Variants in EML5 observed in about 807,000 individuals in gnomAD.
The protein encoded by EML5 is echinoderm microtubule-associated protein-like 5.
In EML5, 120 loss-of-function variants were observed where a neutral mutation model predicts 250.0. The observed-to-expected ratio is 0.48, with a 90% CI of 0.41 to 0.56. The LOEUF is 0.56. Ranked by LOEUF, EML5 falls within the 20% of genes least tolerant of loss-of-function variation. The pLI is 0.00. For missense variants in EML5, 2,006 were observed against 2,437.6 expected (o/e 0.82, Z 3.73); for synonymous variants, 771 against 806.5 (o/e 0.96, Z 0.75).
chr14:88,645,885 G>A (rs1162390531), intron 29 of EML5, among the ~76,000 whole-genome samples: 1 of 152,040 alleles, frequency 6.6e-6, no homozygotes, highest in East Asian at 1.9e-4. Flanking sequence ...TATTTATAAT[G>A]TGCCGTGTCC....
intron 1 of EML5, among the ~76,000 whole-genome samples, chr14:88,783,123 C>T (rs7146379): frequency 0.11 from 16,836 of 152,122 alleles, 1,033 homozygotes; most frequent in African/African-American, 0.14. Context: ...AAAGAAAATG[C>T]CTGGACGTCC....
chr14:88,732,913 C>T (rs2093783090), intron 7 of EML5, among the ~76,000 whole-genome samples: 2 of 152,180 alleles, frequency 1.3e-5, no homozygotes, highest in Middle Eastern at 3.4e-3. Context: ...CAGGTTCTAG[C>T]GATATTATTA....
At chr14:88,644,388 A>T (rs746951504) in intron 30 of EML5, 45 bp downstream of exon 30, 1 of 1,574,940 alleles carries the variant, frequency 6.3e-7, no homozygotes, top group Non-Finnish European at 8.7e-7. Context: ...ATAAAAAAGA[A>T]CTCTGGATAC....
chr14:88,762,885 A>G (rs1056729255), intron 1 of EML5, among the ~76,000 whole-genome samples: 1 of 152,218 alleles, frequency 6.6e-6, no homozygotes, highest in African/African-American at 2.4e-5. Context: ...ACTACACGGA[A>G]ACTGAACAAC....
In EML5 at chr14:88,685,039, A is replaced by G. The variant is rs759087657; in HGVS notation, c.2958T>C (p.Ser986=). The change falls in exon 20 of 44, where the codon AGT becomes AGC. Residue 986 remains serine, a synonymous_variant. Transcript: ENST00000554922. The part of the protein sequence containing the change: ...KNGEILEVDK[S]GPITLLVQGH... ...CCTGAACCAGAAGTGTTATTGGGCC[A>G]CTTTTATCCACTTCTAGTATTTCAC... is the stretch of plus-strand genomic sequence containing the variant. The G allele has an allele frequency of 2.1e-5, 33 of 1,606,416 alleles. No individual in the cohort carries two copies. The highest frequency in any genetic ancestry group is 2.4e-5 in the Non-Finnish European group (28 of 1,176,594).
At position 88,627,005 on chromosome 14, in the gene EML5, A is replaced by G; in HGVS notation, c.4573T>C (p.Phe1525Leu). ...ASRAGHNQRI[F>L]VAEFRPDSDT... Reference sequence around the variant, plus strand: ...GAATCTGGTCGGAATTCTGCCACAAAAATACGTTGATTGTGACCAGCTCTG... The same window carrying G: ...GAATCTGGTCGGAATTCTGCCACAAGAATACGTTGATTGTGACCAGCTCTG... The change falls in exon 35 of 44, where the codon TTT becomes CTT. Residue 1525 changes from phenylalanine (F) to leucine (L), a missense_variant. Physicochemically the swap from Phe to Leu is conservative, Grantham distance 22. This residue lies in a region of EML5 where 405 missense variants were observed against 523.3 expected (regional missense o/e 0.77). Coordinates refer to ENST00000554922, the MANE Select transcript of EML5 (RefSeq NM_183387.3). 1 of 1,613,976 alleles carries G rather than the reference A, an allele frequency of 6.2e-7. No homozygotes were observed. The highest frequency in any genetic ancestry group is 2.2e-5 in the East Asian group (1 of 44,884).
intron 24 of EML5, 75 bp downstream of exon 24, chr14:88,662,956 G>A (rs1414484378): frequency 1.0e-5 from 11 of 1,076,962 alleles, no homozygotes; most frequent in East Asian, 8.1e-5. Context: ...GTAACTAAAC[G>A]ATAGAAAGTA....
intron 8 of EML5, among the ~76,000 whole-genome samples, chr14:88,725,374 A>C (rs1421064229): frequency 1.3e-5 from 2 of 152,346 alleles, no homozygotes; most frequent in African/African-American, 4.8e-5. Flanking sequence ...AAGGGGAGTC[A>C]GCACGTGTAG....
At chr14:88,779,464 G>A (rs767234222) in intron 1 of EML5, among the ~76,000 whole-genome samples, 15 of 152,226 alleles carry the variant, frequency 9.9e-5, no homozygotes, top group Admixed American at 6.5e-5. Context: ...ATAATGGCAC[G>A]TCTTTCATTT....
intron 35 of EML5, chr14:88,625,459 T>C (rs2089783821): frequency 5.0e-6 from 1 of 198,202 alleles, no homozygotes; most frequent in African/African-American, 2.4e-5. Flanking sequence ...TGGAGTGCAA[T>C]GGTGCGATCT....
At chr14:88,636,814 T>G (rs990966781) in intron 32 of EML5, among the ~76,000 whole-genome samples, 11 of 152,174 alleles carry the variant, frequency 7.2e-5, no homozygotes, top group African/African-American at 2.7e-4. Flanking sequence ...ACAGACAGAT[T>G]TCTGTTGTAT....
intron 41 of EML5, 197 bp from the exon 42 acceptor site, chr14:88,617,076 A>G (rs1398222811): frequency 8.6e-6 from 4 of 464,006 alleles, no homozygotes; most frequent in Non-Finnish European, 1.5e-5. Flanking sequence ...GACATTTTAT[A>G]ATTTGAAGGG....
intron 6 of EML5, 64 bp from the exon 7 acceptor site, chr14:88,736,629 C>T: frequency 6.6e-7 from 1 of 1,516,852 alleles, no homozygotes; most frequent in Non-Finnish European, 9.1e-7. Flanking sequence ...AGGAGGCAGA[C>T]AAATCCCTAT....
In EML5 at chr14:88,620,922, ATCT is replaced by A; in HGVS notation, c.5204_5206del (p.Lys1735del). The A allele has an allele frequency of 1.3e-6, 2 of 1,482,480 alleles. No individual in the cohort carries two copies. The highest frequency in any genetic ancestry group is 1.8e-6 in the Non-Finnish European group (2 of 1,125,218). 91.8% of individuals were successfully genotyped at this position (1,482,480 alleles called of 1,614,324 possible). On this transcript the variant is annotated inframe_deletion and splice_region_variant, in exon 39 of 44. Coordinates refer to ENST00000554922, the MANE Select transcript of EML5 (RefSeq NM_183387.3). This position sits in a 1 kb window ranked among gnomAD's most constrained non-coding sequence, Gnocchi z 4.3. ...ATGTCCCAAATTCACTTTGTTTAAC[ATCT>A]TCTGCATTTAAAAAAAAAAAAAAAA...
chr14:88,705,446 CTT>C (rs1196781600), intron 12 of EML5, 34 bp downstream of exon 12: 1 of 1,462,780 alleles, frequency 6.8e-7, no homozygotes, highest in Non-Finnish European at 9.4e-7. Flanking sequence ...AGAAATTAGA[CTT>C]TTTAGAGAAA....
At position 88,754,544 on chromosome 14, in the gene EML5, T is replaced by C. The variant is rs2094137336; in HGVS notation, c.325A>G (p.Ile109Val). 5 of 1,611,750 alleles carry C rather than the reference T, an allele frequency of 3.1e-6. No individual in the cohort carries two copies. Among genetic ancestry groups the C allele is most frequent in the Admixed American group, 1.7e-5 (1 of 59,658 alleles). ...SVLKDVHTHG[I>V]ACLAFDLDGQ... is the part of the protein sequence containing the mutation. ...TCTAAGTCAAACGCCAAGCAAGCTATACCATGTGTATGAACATCCTTTAAA... is the reference window on the plus strand; with the variant it reads ...TCTAAGTCAAACGCCAAGCAAGCTACACCATGTGTATGAACATCCTTTAAA... The change falls in exon 2 of 44, where the codon ATA (isoleucine) becomes GTA (valine). Residue 109 changes from isoleucine to valine, a missense_variant. Coordinates refer to ENST00000554922, the MANE Select transcript of EML5 (RefSeq NM_183387.3).
chr14:88,703,303 C>A (rs1036354675), intron 13 of EML5, among the ~76,000 whole-genome samples: 1 of 152,068 alleles, frequency 6.6e-6, no homozygotes, highest in African/African-American at 2.4e-5. Context: ...AACTAAGTAA[C>A]AGTAACTATC....
At position 88,615,733 on chromosome 14, in the gene EML5, A is replaced by G; in HGVS notation, c.*85T>C. 7.6e-7 allele frequency: 1 copy of G among 1,315,598 alleles called. No homozygotes were observed. The highest frequency in any genetic ancestry group is 1.1e-6 in the Non-Finnish European group (1 of 938,244). The allele number at this position is 1,315,598 out of a possible 1,614,324, so 81.5% of individuals were successfully genotyped here. A position where few individuals can be genotyped will look rare whatever the true frequency, so the allele number is the denominator to read the frequency against. ...CCTGTTACAGTCTTGGGTTAGCACCACTTGACCATGCAGGGTTGGGTTTTG... is the reference window on the plus strand; with the variant it reads ...CCTGTTACAGTCTTGGGTTAGCACCGCTTGACCATGCAGGGTTGGGTTTTG... On this transcript the variant is annotated 3_prime_UTR_variant, in exon 44 of 44. Coordinates refer to ENST00000554922, the MANE Select transcript of EML5 (RefSeq NM_183387.3).
chr14:88,731,845 C>A (rs894134272), intron 7 of EML5, among the ~76,000 whole-genome samples: 2 of 152,098 alleles, frequency 1.3e-5, no homozygotes, highest in Non-Finnish European at 2.9e-5. Flanking sequence ...TTTCATGTGT[C>A]TGTTGGCTGC....
Sources: allele counts gnomAD v4.1 joint callset (sites outside exome capture counted in the v4.1 genomes callset), GRCh38; gene constraint gnomAD v4.1.1; regional missense constraint gnomAD v4.1.1; non-coding constraint Gnocchi (gnomAD v3.1); transcripts MANE v1.5; gene names NCBI Gene and HGNC (gene_info 2026-07-23, HGNC 2026-07-21).